Variants in ALKBH1 observed in about 807,000 individuals in gnomAD.
ALKBH1 encodes nucleic acid dioxygenase ALKBH1.
Under a neutral mutation model 36.6 loss-of-function variants are expected in ALKBH1, and 31 were observed. The observed-to-expected ratio is 0.85, with a 90% CI of 0.64 to 1.14. The LOEUF is 1.14. ALKBH1 is among the 50% of genes most tolerant of loss of function. The pLI, the probability that ALKBH1 is intolerant of heterozygous loss-of-function variation, is 0.00. For synonymous variants in ALKBH1, 183 were observed against 186.6 expected, an observed-to-expected ratio of 0.98 and a Z score of 0.16; for missense variants, 490 against 497.3, an observed-to-expected ratio of 0.99 and a Z score of 0.14.
chr14:77,691,185 A>G (rs1046979353), intron 3 of ALKBH1, among the ~76,000 whole-genome samples: 1 of 152,218 alleles, frequency 6.6e-6, no homozygotes, highest in African/African-American at 2.4e-5. Context: ...GAGGTACTCT[A>G]ATTTTTTGAA....
chr14:77,690,539 C>G (rs1343452059), intron 3 of ALKBH1, among the ~76,000 whole-genome samples: 1 of 152,114 alleles, frequency 6.6e-6, no homozygotes, highest in African/African-American at 2.4e-5. Context: ...CTGCAGTGCT[C>G]TAGATAAGAA....
chr14:77,685,194 G>A (rs1165205547), intron 3 of ALKBH1, among the ~76,000 whole-genome samples: 1 of 152,196 alleles, frequency 6.6e-6, no homozygotes, highest in Non-Finnish European at 1.5e-5. Flanking sequence ...TGCAATCCCA[G>A]CACTTTGGGA....
chr14:77,683,668 T>A (rs1162556310), intron 3 of ALKBH1: 1 of 243,872 alleles, frequency 4.1e-6, no homozygotes, highest in East Asian at 1.1e-4. Flanking sequence ...ACCTCCCAAG[T>A]TCCAGCGATT....
Position 77,678,617 on chromosome 14 carries a change from TTCATTTTATTCTTATAA to T in ALKBH1, c.546+1246_546+1262del, listed in dbSNP as rs1432663688. Among the ~76,000 whole-genome samples, 5 of 152,254 alleles carry T rather than the reference TTCATTTTATTCTTATAA, an allele frequency of 3.3e-5. No individual in the cohort carries two copies. The East Asian group carries it at 9.6e-4, about 29-fold the overall frequency. ...AAATGGTCTATACCAATATTTTTTT[TTCATTTTATTCTTATAA>T]TCAGTATACTCCCTTGGTGGCAAAT... is the stretch of plus-strand genomic sequence containing the variant. On this transcript the variant is annotated intron_variant, in intron 4 of 5. Coordinates refer to ENST00000216489, the MANE Select transcript of ALKBH1 (RefSeq NM_006020.3).
At chr14:77,676,799 T>C (rs2080208645) in intron 4 of ALKBH1, among the ~76,000 whole-genome samples, 1 of 152,198 alleles carries the variant, frequency 6.6e-6, no homozygotes, top group African/African-American at 2.4e-5. Context: ...TCAAATACTA[T>C]AGCCAGTTTG....
At position 77,675,844 on chromosome 14, in the gene ALKBH1, G is replaced by A. The variant is rs745937508; in HGVS notation, c.552C>T (p.Tyr184=). 8.7e-6 allele frequency: 14 copies of A among 1,611,684 alleles called. No homozygotes were observed. In the South Asian group the frequency reaches 1.3e-4, roughly 15 times the overall value. ...GGAAAGGTGTGTAATGATCTGCTGA[G>A]TATTTCTTTGGTAAATGTAGAGAGA... ...GYHYNWDSKK[Y]SADHYTPFPS... is the part of the protein sequence containing the mutation. Residue 184 remains tyrosine (Y), a synonymous_variant, in exon 5 of 6, where the codon TAC becomes TAT. Transcript: ENST00000216489.
At chr14:77,704,295 C>T in intron 2 of ALKBH1, 74 bp downstream of exon 2, 2 of 1,092,020 alleles carry the variant, frequency 1.8e-6, no homozygotes, top group Non-Finnish European at 2.8e-6. Context: ...TGCTCACACA[C>T]AGTACCTTCT....
intron 2 of ALKBH1, among the ~76,000 whole-genome samples, chr14:77,703,068 C>T (rs1194543203): frequency 1.3e-5 from 2 of 152,022 alleles, no homozygotes; most frequent in African/African-American, 2.4e-5. Flanking sequence ...ATCACTTGAA[C>T]CTGGCAGGCG....
intron 5 of ALKBH1, among the ~76,000 whole-genome samples, chr14:77,674,587 AGGCTGGAGT>A (rs1478629627): frequency 6.6e-6 from 1 of 152,126 alleles, no homozygotes; most frequent in Non-Finnish European, 1.5e-5. Flanking sequence ...TTCGTCACCC[AGGCTGGAGT>A]GGCTGGAGTG....
intron 2 of ALKBH1, chr14:77,696,594 C>T (rs1566816461): frequency 6.6e-6 from 1 of 152,482 alleles, no homozygotes; most frequent in Admixed American, 6.5e-5. Context: ...CTGGCTGTGA[C>T]TGACTTCAAA....
At chr14:77,706,086 C>T (rs1451705219) in intron 1 of ALKBH1, among the ~76,000 whole-genome samples, 2 of 133,292 alleles carry the variant, frequency 1.5e-5, no homozygotes, top group Admixed American at 7.5e-5. Context: ...TATATATACA[C>T]ACACATATAT....
At chr14:77,686,165 T>C (rs2080267302) in intron 3 of ALKBH1, among the ~76,000 whole-genome samples, 3 of 152,204 alleles carry the variant, frequency 2.0e-5, no homozygotes, top group African/African-American at 7.2e-5. Context: ...ATGGGCCTCC[T>C]GAGTAACAAA....
At chr14:77,692,609 C>T (rs2080303535) in intron 3 of ALKBH1, among the ~76,000 whole-genome samples, 1 of 151,978 alleles carries the variant, frequency 6.6e-6, no homozygotes, top group Non-Finnish European at 1.5e-5. Flanking sequence ...TGATTGGGGA[C>T]CCCCCTGCTC....
rs1395389745 is a variant in ALKBH1, at chr14:77,705,936, T to A, written c.184-1459A>T. ...CAGGCATGGTGGCGCGTGCCTGTAGTCCCAGCTACTTGGGAGGCTGAAGCA... is the reference window on the plus strand; with the variant it reads ...CAGGCATGGTGGCGCGTGCCTGTAGACCCAGCTACTTGGGAGGCTGAAGCA... On this transcript the variant is annotated intron_variant, in intron 1 of 5. Transcript: ENST00000216489. Among the ~76,000 whole-genome samples, 3 of 152,160 alleles carry A rather than the reference T, an allele frequency of 2.0e-5. 1 individual carries two copies.
intron 2 of ALKBH1, among the ~76,000 whole-genome samples, chr14:77,700,540 G>A (rs935473279): frequency 2.8e-4 from 43 of 152,086 alleles, no homozygotes; most frequent in African/African-American, 1.0e-3. Context: ...TCATTTATCA[G>A]TAAAATTCTC....
Position 77,679,882 on chromosome 14 carries a change from T to C in ALKBH1, c.544A>G (p.Lys182Glu), listed in dbSNP as rs2080227350. 1 of 1,613,298 alleles carries C rather than the reference T, an allele frequency of 6.2e-7. No homozygotes were observed. The highest frequency in any genetic ancestry group is 8.5e-7 in the Non-Finnish European group (1 of 1,179,346). Residue 182 changes from lysine (K) to glutamate (E), a missense_variant and splice_region_variant, in exon 4 of 6, where the codon AAG becomes GAG. Lys to Glu is a moderately conservative substitution (Grantham distance 56). Transcript: ENST00000216489. ...AAGAATTAAGAAAACCTGAATACCT[T>C]ACTGTCCCAGTTATAATGGTAGCCT... ...TVGYHYNWDS[K>E]KYSADHYTPF...
intron 1 of ALKBH1, among the ~76,000 whole-genome samples, chr14:77,707,558 G>A (rs1388639222): frequency 6.6e-6 from 1 of 152,186 alleles, no homozygotes; most frequent in Non-Finnish European, 1.5e-5. Context: ...TGAGGAGACA[G>A]TTACAGTAAG....
chr14:77,684,145 G>C (rs1268669566), intron 3 of ALKBH1, among the ~76,000 whole-genome samples: 1 of 152,082 alleles, frequency 6.6e-6, no homozygotes, highest in Non-Finnish European at 1.5e-5. Flanking sequence ...CATCTAGAAG[G>C]CTTGTTGAAA....
chr14:77,704,532 CG>C, intron 1 of ALKBH1, 55 bp from the exon 2 acceptor site: 1 of 1,411,588 alleles, frequency 7.1e-7, no homozygotes, highest in Non-Finnish European at 1.0e-6. Flanking sequence ...AGGTCAACCC[CG>C]GGAACCTCAA....
Sources: allele counts gnomAD v4.1 joint callset (sites outside exome capture counted in the v4.1 genomes callset), GRCh38; gene constraint gnomAD v4.1.1; transcripts MANE v1.5; gene names NCBI Gene and HGNC (gene_info 2026-07-23, HGNC 2026-07-21).